The following KCNQ3 variants were observed in gnomAD, a reference collection of about 807,000 sequenced individuals.
The protein encoded by KCNQ3 is potassium voltage-gated channel subfamily KQT member 3.
KCNQ3 carries 30 observed loss-of-function variants against 92.5 expected under a neutral mutation model. The ratio of observed to expected loss-of-function variants is 0.32; its 90% confidence interval spans 0.24 to 0.44. The LOEUF is 0.44. Ranked by LOEUF, KCNQ3 falls within the 20% of genes least tolerant of loss-of-function variation. The probability of loss-of-function intolerance (pLI) is 1.00; values close to 1 mark genes in which losing one functional copy is unlikely to be tolerated. For missense variants in KCNQ3, 913 were observed against 1,140.3 expected (o/e 0.80, Z 2.87); for synonymous variants, 450 against 468.8 (o/e 0.96, Z 0.52).
intron 8 of KCNQ3, among the ~76,000 whole-genome samples, chr8:132,168,550 A>G (rs1287731914): frequency 6.6e-6 from 1 of 152,128 alleles, no homozygotes; most frequent in African/African-American, 2.4e-5. Context: ...GGTGGTGATC[A>G]GGGGCCCAAT....
rs1181148415 is a variant in KCNQ3 at position 132,124,910 on chromosome 8, T to G, written c.*4352A>C. The G allele has an allele frequency of 6.6e-6, 1 of 152,224 alleles. No homozygotes were observed. The highest frequency in any genetic ancestry group is 2.4e-5 in the African/African-American group (1 of 41,458). 9.4% of individuals were successfully genotyped at this position (152,224 alleles called of 1,614,324 possible). On this transcript the variant is annotated 3_prime_UTR_variant, in exon 15 of 15. Coordinates refer to ENST00000388996, the MANE Select transcript of KCNQ3 (RefSeq NM_004519.4). ...TTTGGCAGCACTGTCCAAAGTACAGTTGACTTCTTAGGCTGCTGAACAAAT... is the reference window on the plus strand; with the variant it reads ...TTTGGCAGCACTGTCCAAAGTACAGGTGACTTCTTAGGCTGCTGAACAAAT...
intron 1 of KCNQ3, among the ~76,000 whole-genome samples, chr8:132,246,200 G>C (rs968293131): frequency 1.3e-5 from 2 of 152,156 alleles, no homozygotes; most frequent in African/African-American, 4.8e-5. Context: ...TCTTGTGCAA[G>C]TGCCCAGAGC....
chr8:132,373,129 G>C (rs967145827), intron 1 of KCNQ3, among the ~76,000 whole-genome samples: 2 of 151,990 alleles, frequency 1.3e-5, no homozygotes, highest in African/African-American at 2.4e-5. Flanking sequence ...TTCACCAGGG[G>C]GCTCCTCTTA....
chr8:132,325,069 C>T (rs1818003998), intron 1 of KCNQ3, among the ~76,000 whole-genome samples: 1 of 151,720 alleles, frequency 6.6e-6, no homozygotes, highest in African/African-American at 2.4e-5. Context: ...AGGATTGCCA[C>T]ACAACACAGC....
chr8:132,192,377 C>T (rs1827186404), intron 1 of KCNQ3, among the ~76,000 whole-genome samples: 1 of 152,166 alleles, frequency 6.6e-6, no homozygotes, highest in South Asian at 2.1e-4. Context: ...TTCAATTTAC[C>T]CTTAACATAT....
chr8:132,236,328 T>A (rs767622535), intron 1 of KCNQ3, among the ~76,000 whole-genome samples: 10 of 152,094 alleles, frequency 6.6e-5, no homozygotes, highest in Admixed American at 2.0e-4. Flanking sequence ...AAACATGACC[T>A]CCATCAGGTT....
chr8:132,354,739 C>T (rs896335651), intron 1 of KCNQ3, among the ~76,000 whole-genome samples: 1 of 152,248 alleles, frequency 6.6e-6, no homozygotes, highest in Admixed American at 6.5e-5. Context: ...GGACTGAGAG[C>T]CATTCTGCCA....
intron 1 of KCNQ3, among the ~76,000 whole-genome samples, chr8:132,244,568 G>C (rs1444999886): frequency 1.3e-5 from 2 of 152,156 alleles, no homozygotes; most frequent in African/African-American, 4.8e-5. Context: ...CATCCTGTGT[G>C]ATTCAGTGTT....
At chr8:132,223,304 T>A (rs114377239) in intron 1 of KCNQ3, among the ~76,000 whole-genome samples, 4,834 of 152,222 alleles carry the variant, frequency 0.032, 258 homozygotes, top group African/African-American at 0.11. Flanking sequence ...AGCACAGTCC[T>A]CCTCCTCAAG....
intron 9 of KCNQ3, among the ~76,000 whole-genome samples, chr8:132,149,873 C>T (rs139937179): frequency 6.6e-6 from 1 of 152,122 alleles, no homozygotes; most frequent in African/African-American, 2.4e-5. Flanking sequence ...CCACAGAGTT[C>T]CCCCCTCCCC....
intron 1 of KCNQ3, among the ~76,000 whole-genome samples, chr8:132,440,530 T>C (rs1002211500): frequency 1.3e-5 from 2 of 152,158 alleles, no homozygotes; most frequent in African/African-American, 4.8e-5. Context: ...CACATGAATG[T>C]GTTGGTCACC....
At chr8:132,157,657 T>TTTTA (rs1825845711) in intron 9 of KCNQ3, among the ~76,000 whole-genome samples, 1 of 150,464 alleles carries the variant, frequency 6.6e-6, no homozygotes. Flanking sequence ...TTTTATTTTA[T>TTTTA]TTTTTTATTT....
chr8:132,296,097 G>C (rs1425616911), intron 1 of KCNQ3, among the ~76,000 whole-genome samples: 1 of 152,200 alleles, frequency 6.6e-6, no homozygotes, highest in Non-Finnish European at 1.5e-5. Context: ...ATCTGAGGAA[G>C]TGAATTTTAA....
chr8:132,335,052 T>A (rs1420902356), intron 1 of KCNQ3, among the ~76,000 whole-genome samples: 1 of 152,064 alleles, frequency 6.6e-6, no homozygotes, highest in African/African-American at 2.4e-5. Flanking sequence ...TTCTTTTTTC[T>A]TCTTTTTTTG....
At chr8:132,139,941 C>T in intron 11 of KCNQ3, 135 bp downstream of exon 11, 1 of 647,192 alleles carries the variant, frequency 1.5e-6, no homozygotes, top group Non-Finnish European at 2.7e-6. Flanking sequence ...ACTTCAGGGA[C>T]CTAACTCAGG....
intron 13 of KCNQ3, 137 bp downstream of exon 13, chr8:132,134,153 G>T (rs1824982549): frequency 2.8e-6 from 2 of 725,056 alleles, no homozygotes; most frequent in Non-Finnish European, 5.0e-6. Flanking sequence ...ACTGAAACAA[G>T]CTTCAAACTC....
At chr8:132,268,620 C>A (rs1816061873) in intron 1 of KCNQ3, among the ~76,000 whole-genome samples, 4 of 152,196 alleles carry the variant, frequency 2.6e-5, no homozygotes, top group Admixed American at 2.6e-4. Context: ...GTTTATTTAT[C>A]CACTCATCTA....
At chr8:132,256,057 A>G (rs1815576271) in intron 1 of KCNQ3, among the ~76,000 whole-genome samples, 1 of 152,218 alleles carries the variant, frequency 6.6e-6, no homozygotes, top group Non-Finnish European at 1.5e-5. Flanking sequence ...AACTTTCTAG[A>G]CATAGATTTT....
intron 1 of KCNQ3, among the ~76,000 whole-genome samples, chr8:132,303,132 C>A (rs1817274427): frequency 6.6e-6 from 1 of 152,142 alleles, no homozygotes; most frequent in Non-Finnish European, 1.5e-5. Context: ...CAGCAGAGAT[C>A]TTGCTGATCT....
Sources: allele counts gnomAD v4.1 joint callset (sites outside exome capture counted in the v4.1 genomes callset), GRCh38; gene constraint gnomAD v4.1.1; transcripts MANE v1.5; gene names NCBI Gene and HGNC (gene_info 2026-07-23, HGNC 2026-07-21).